Variants in ARHGAP9 observed in about 807,000 individuals in gnomAD.
ARHGAP9 encodes the protein rho GTPase-activating protein 9.
Under a neutral mutation model 87.3 loss-of-function variants are expected in ARHGAP9, and 76 were observed. That is an observed-to-expected ratio of 0.87 (90% CI 0.72 to 1.05). The LOEUF is 1.05. Among genes scored for constraint, ARHGAP9 ranks in the 50% least tolerant of loss-of-function variants. ARHGAP9 has a pLI of 0.00. For missense variants in ARHGAP9, 941 were observed against 960.5 expected (o/e 0.98, Z 0.27); for synonymous variants, 382 against 394.9 (o/e 0.97, Z 0.39).
chr12:57,475,019 C>T (rs1873063574), intron 12 of ARHGAP9, 46 bp from the exon 13 acceptor site: 1 of 1,579,302 alleles, frequency 6.3e-7, no homozygotes, highest in Non-Finnish European at 8.7e-7. Context: ...GCGTCACTCA[C>T]AGGAGCTCTT....
At chr12:57,486,994 C>T (rs1875469341) in intron 1 of ARHGAP9, among the ~76,000 whole-genome samples, 1 of 149,980 alleles carries the variant, frequency 6.7e-6, no homozygotes, top group African/African-American at 2.4e-5. Flanking sequence ...TCTTTTTTTT[C>T]GAGACGGAGT....
chr12:57,485,568 A>AAC (rs1555164800), intron 1 of ARHGAP9, among the ~76,000 whole-genome samples: 2 of 150,402 alleles, frequency 1.3e-5, no homozygotes, highest in African/African-American at 2.4e-5. Flanking sequence ...AAAAAAAAAA[A>AAC]AACAAAAAAA....
At chr12:57,488,174 G>A (rs1196853548) in intron 1 of ARHGAP9, 1 of 1,614,094 alleles carries the variant, frequency 6.2e-7, no homozygotes, top group Non-Finnish European at 8.5e-7. Flanking sequence ...GAGCAGAGGT[G>A]CTCATCAGCA....
chr12:57,477,435 G>A (rs920329763), intron 4 of ARHGAP9, 24 bp downstream of exon 4: 1 of 1,611,692 alleles, frequency 6.2e-7, no homozygotes, highest in Non-Finnish European at 8.5e-7. Flanking sequence ...GGGGACAGTG[G>A]AGAAGCAGGA....
intron 1 of ARHGAP9, 123 bp downstream of exon 1, chr12:57,479,607 T>G: frequency 6.5e-7 from 1 of 1,538,436 alleles, no homozygotes; most frequent in Admixed American, 2.0e-5. Context: ...TGAGAACTCC[T>G]GGTGGTGTCT....
chr12:57,485,553 T>A (rs1260859224), intron 1 of ARHGAP9, among the ~76,000 whole-genome samples: 4 of 36,314 alleles, frequency 1.1e-4, no homozygotes, highest in Non-Finnish European at 2.3e-4. Context: ...TAAGACTCCA[T>A]CTGAAAAAAA....
chr12:57,479,175 C>T lies in ARHGAP9; in HGVS notation c.232G>A (p.Val78Ile), dbSNP rs370976244. The change falls in exon 2 of 18, where the codon GTC becomes ATC. Residue 78 changes from valine to isoleucine, a missense_variant. Physicochemically the swap from Val to Ile is conservative, Grantham distance 29. Coordinates refer to ENST00000393791, the MANE Select transcript of ARHGAP9 (RefSeq NM_032496.4). The part of the protein sequence containing the change: ...EAPSTSRPIF[V>I]PAAYMIEESI... The stretch of plus-strand genomic sequence containing the variant: ...TCCTCTATCATATAGGCTGCTGGGA[C>T]GAAGATGGGTCGAGAGGTGGAGGGA... 3.3e-5 allele frequency: 53 copies of T among 1,614,140 alleles called. No homozygotes were observed. In the East Asian group the frequency reaches 5.6e-4, roughly 17 times the overall value.
At chr12:57,476,823 G>C (rs757050670) in intron 6 of ARHGAP9, 48 bp downstream of exon 6, 7 of 1,526,228 alleles carry the variant, frequency 4.6e-6, no homozygotes, top group Non-Finnish European at 6.4e-6. Context: ...AAAGGGGGGA[G>C]GGGGGGCAGG....
chr12:57,484,011 A>G, upstream of ARHGAP9: 1 of 336,048 alleles, frequency 3.0e-6, no homozygotes, highest in Non-Finnish European at 6.1e-6. Context: ...ACTGCACTCC[A>G]GCCTAGGTGA....
chr12:57,476,767 G>C (rs1035329345), intron 6 of ARHGAP9, 104 bp downstream of exon 6: 4 of 1,531,030 alleles, frequency 2.6e-6, no homozygotes, highest in Non-Finnish European at 3.6e-6. Context: ...GGGAGGGCTG[G>C]GTAGGAGGAT....
upstream of ARHGAP9, chr12:57,480,875 C>T (rs1216740573): frequency 5.9e-6 from 9 of 1,529,690 alleles, no homozygotes; most frequent in East Asian, 1.7e-4. Context: ...GCGAATGACC[C>T]TCCCCACTGG....
rs769578935 is a variant in ARHGAP9, at chr12:57,476,442, G to A, written c.1038C>T (p.Gly346=). 6.2e-7 allele frequency: 1 copy of A among 1,614,094 alleles called. No homozygotes were observed. Among genetic ancestry groups the A allele is most frequent in the Non-Finnish European group, 8.5e-7 (1 of 1,180,022 alleles). ...TACCCGTTAACACCACCCAAGACGG[G>A]CCCCAGTTCTTCCTGCGGGGACAGA... ...QGGRKLRKNW[G]PSWVVLTGNS... The change falls in exon 8 of 18, where the codon GGC becomes GGT. Residue 346 remains glycine (G), a synonymous_variant. Coordinates refer to ENST00000393791, the MANE Select transcript of ARHGAP9 (RefSeq NM_032496.4).
In ARHGAP9 at chr12:57,474,054, G is replaced by A. The variant is rs779643644; in HGVS notation, c.1906C>T (p.Arg636Cys). 78 of 1,613,834 alleles carry A rather than the reference G, an allele frequency of 4.8e-5. No homozygotes were observed. The highest frequency in any genetic ancestry group is 6.1e-5 in the Non-Finnish European group (72 of 1,179,886). The change falls in exon 16 of 18, where the codon CGT (arginine) becomes TGT (cysteine). Residue 636 changes from arginine (R) to cysteine (C), a missense_variant. Coordinates refer to ENST00000393791, the MANE Select transcript of ARHGAP9 (RefSeq NM_032496.4). Reference sequence around the variant, plus strand: ...CTCCAACCCTTACCAAGGGCAGCACGGAAATGGGGCAGCAGCAGTGGTGGC... The same window carrying A: ...CTCCAACCCTTACCAAGGGCAGCACAGAAATGGGGCAGCAGCAGTGGTGGC... The part of the protein sequence containing the change: ...LVPPLLLPHF[R>C]AALALSESEQ...
intron 1 of ARHGAP9, among the ~76,000 whole-genome samples, chr12:57,485,974 G>A (rs1305439314): frequency 6.6e-6 from 1 of 152,122 alleles, no homozygotes; most frequent in African/African-American, 2.4e-5. Context: ...TAGCATGGCA[G>A]CTCAAAGTGG....
At chr12:57,477,953 G>T in intron 3 of ARHGAP9, 3 of 1,256,034 alleles carry the variant, frequency 2.4e-6, no homozygotes, top group Non-Finnish European at 3.0e-6. Context: ...CAGGAAAGGG[G>T]AACAGGCTTT....
intron 5 of ARHGAP9, 78 bp from the exon 6 acceptor site, chr12:57,477,041 G>T (rs767355836): frequency 7.8e-6 from 11 of 1,410,372 alleles, no homozygotes; most frequent in African/African-American, 4.3e-5. Context: ...AGAGGGGTGG[G>T]ATACGGGTGA....
rs1064796198 is a variant in ARHGAP9, at chr12:57,488,107, GTGA to G, written c.-204+502_-204+504del. On this transcript the variant is annotated intron_variant, in intron 1 of 20. Transcript: ENST00000393797. Reference sequence around the variant, plus strand: ...CACGGCGAAATGAGACTGTTCGTGAGTGATGGCGTCCCGGGTTGCTTGCCGGTG... The same window carrying G: ...CACGGCGAAATGAGACTGTTCGTGAGTGGCGTCCCGGGTTGCTTGCCGGTG... 1.9e-6 allele frequency: 3 copies of G among 1,614,092 alleles called. No homozygotes were observed. Among genetic ancestry groups the G allele is most frequent in the Non-Finnish European group, 2.5e-6 (3 of 1,180,036 alleles).
At chr12:57,474,283 C>T (rs1594764046) in intron 15 of ARHGAP9, 107 bp from the exon 16 acceptor site, 2 of 1,579,956 alleles carry the variant, frequency 1.3e-6, no homozygotes, top group Non-Finnish European at 1.7e-6. Context: ...ATAGGAATGC[C>T]TAGAGGGTCT....
At chr12:57,475,776 C>T (rs1028496890) in intron 10 of ARHGAP9, 57 bp downstream of exon 10, 72 of 1,593,802 alleles carry the variant, frequency 4.5e-5, no homozygotes, top group Non-Finnish European at 6.0e-5. Flanking sequence ...TCGTTCCTAC[C>T]CCACTCCCTT....
Sources: allele counts gnomAD v4.1 joint callset (sites outside exome capture counted in the v4.1 genomes callset), GRCh38; gene constraint gnomAD v4.1.1; transcripts MANE v1.5; gene names NCBI Gene and HGNC (gene_info 2026-07-23, HGNC 2026-07-21).